Variants in COG5 observed in about 807,000 individuals in gnomAD.
The protein encoded by COG5 is component of oligomeric golgi complex 5.
In COG5, 86 loss-of-function variants were observed where a neutral mutation model predicts 110.4. The ratio of observed to expected loss-of-function variants is 0.78; its 90% CI spans 0.65 to 0.93. The LOEUF is 0.93. Among genes scored for constraint, COG5 ranks in the 40% least tolerant of loss-of-function variants. The pLI, the probability that COG5 is intolerant of heterozygous loss-of-function variation, is 0.00. For missense variants in COG5, 1,077 were observed against 987.0 expected, an observed-to-expected ratio of 1.09 and a Z score of -1.22; for synonymous variants, 360 against 334.6, an observed-to-expected ratio of 1.08 and a Z score of -0.83.
chr7:107,291,559 C>T (rs1806175853), intron 12 of COG5, among the ~76,000 whole-genome samples: 1 of 152,190 alleles, frequency 6.6e-6, no homozygotes, highest in African/African-American at 2.4e-5. Flanking sequence ...TTTGGGTATG[C>T]TAATAGTCAC....
At chr7:107,374,592 G>A (rs149099724) in intron 7 of COG5, among the ~76,000 whole-genome samples, 28 of 151,832 alleles carry the variant, frequency 1.8e-4, no homozygotes, top group African/African-American at 6.0e-4. Flanking sequence ...AAAATTCTCC[G>A]CTCCAAAAAT....
intron 5 of COG5, among the ~76,000 whole-genome samples, chr7:107,545,197 G>A (rs1393571522): frequency 6.6e-6 from 1 of 152,158 alleles, no homozygotes; most frequent in Non-Finnish European, 1.5e-5. Context: ...AGCAGAGAGA[G>A]AAGAAAGTTT....
At chr7:107,328,860 G>A (rs1482041198) in intron 10 of COG5, among the ~76,000 whole-genome samples, 3 of 151,842 alleles carry the variant, frequency 2.0e-5, no homozygotes, top group African/African-American at 4.8e-5. Flanking sequence ...TCGCTCTGTC[G>A]CCCAGGCTGG....
intron 10 of COG5, among the ~76,000 whole-genome samples, chr7:107,327,145 T>C (rs570767853): frequency 2.6e-5 from 4 of 152,178 alleles, no homozygotes; most frequent in African/African-American, 7.2e-5. Context: ...AACGATCAAG[T>C]ATACAGTCAT....
chr7:107,258,297 A>G lies in COG5; in HGVS notation c.1662T>C (p.Tyr554=). The part of the protein sequence containing the change: ...RRNVAVVNSL[Y]KLHQSVTKVV... ...CCTTTGTTACTGATTGGTGCAACTT[A>G]TACAATGAATTCACTACTGCCACAT... Residue 554 remains tyrosine (Y), a synonymous_variant, in exon 15 of 22, where the codon TAT becomes TAC. Coordinates refer to ENST00000297135, the MANE Select transcript of COG5 (RefSeq NM_006348.5). 1 of 1,610,182 alleles carries G rather than the reference A, an allele frequency of 6.2e-7. No homozygotes were observed. Among genetic ancestry groups the G allele is most frequent in the Admixed American group, 1.7e-5 (1 of 59,982 alleles).
At chr7:107,445,256 C>T (rs1794939727) in intron 6 of COG5, among the ~76,000 whole-genome samples, 1 of 152,100 alleles carries the variant, frequency 6.6e-6, no homozygotes, top group Admixed American at 6.6e-5. Context: ...TACAAAAACA[C>T]ACTCTTCCTA....
chr7:107,248,265 T>G (rs991394359), intron 17 of COG5, 131 bp downstream of exon 17: 12 of 703,394 alleles, frequency 1.7e-5, no homozygotes, highest in Middle Eastern at 2.6e-4. Flanking sequence ...TGAAGAGGGC[T>G]GAAAACTAAT....
chr7:107,314,175 T>G (rs888062438), intron 11 of COG5, among the ~76,000 whole-genome samples: 1 of 152,054 alleles, frequency 6.6e-6, no homozygotes, highest in Non-Finnish European at 1.5e-5. Flanking sequence ...TTTATCTGTA[T>G]AAAAGAAAAA....
chr7:107,311,035 T>C (rs1322377039), intron 11 of COG5, among the ~76,000 whole-genome samples: 2 of 152,228 alleles, frequency 1.3e-5, no homozygotes, highest in African/African-American at 4.8e-5. Flanking sequence ...ATTTGGGTTG[T>C]GTGCAATTTT....
chr7:107,206,035 A>G (rs1442521345), intron 21 of COG5, among the ~76,000 whole-genome samples: 1 of 150,742 alleles, frequency 6.6e-6, no homozygotes, highest in Non-Finnish European at 1.5e-5. Flanking sequence ...ATCTTGGCTC[A>G]CTGCAAGCTC....
intron 5 of COG5, among the ~76,000 whole-genome samples, chr7:107,543,336 G>A (rs1802184975): frequency 6.6e-6 from 1 of 152,202 alleles, no homozygotes; most frequent in Non-Finnish European, 1.5e-5. Context: ...TGCTCGTTGA[G>A]GAGAGAAAAG....
intron 12 of COG5, among the ~76,000 whole-genome samples, chr7:107,295,095 A>T (rs1295132578): frequency 1.5e-4 from 11 of 75,840 alleles, no homozygotes; most frequent in African/African-American, 4.3e-4. Flanking sequence ...ATATATATAT[A>T]TATATATTTT....
In COG5 at chr7:107,504,114, TATG is replaced by T. The variant is rs535272909; in HGVS notation, c.538+23120_538+23122del. On this transcript the variant is annotated intron_variant, in intron 6 of 21. Coordinates refer to ENST00000297135, the MANE Select transcript of COG5 (RefSeq NM_006348.5). Reference sequence around the variant, plus strand: ...AGGCTTTCAACTTTTCCCCGTTCAGTATGATGTCGGCTGTGGGTTTGTCATATA... The same window carrying T: ...AGGCTTTCAACTTTTCCCCGTTCAGTATGTCGGCTGTGGGTTTGTCATATA... Among the ~76,000 whole-genome samples the T allele has an allele frequency of 8.5e-5, 13 of 152,302 alleles. No homozygotes were observed. In the South Asian group the frequency reaches 2.7e-3, roughly 32 times the overall value.
rs1371580285 is a variant in COG5 at position 107,558,121 on chromosome 7, T to C, written c.95-6A>G. On this transcript the variant is annotated splice_polypyrimidine_tract_variant and splice_region_variant and intron_variant, in intron 1 of 21. Coordinates refer to ENST00000297135, the MANE Select transcript of COG5 (RefSeq NM_006348.5). Reference sequence around the variant, plus strand: ...TAAAAAGTCACTATAACACCCTGGATTGGGGAAAAAATAAGGAAAAGTCCT... The same window carrying C: ...TAAAAAGTCACTATAACACCCTGGACTGGGGAAAAAATAAGGAAAAGTCCT... 6.2e-7 allele frequency: 1 copy of C among 1,613,444 alleles called. No homozygotes were observed. The highest frequency in any genetic ancestry group is 2.2e-5 in the East Asian group (1 of 44,802).
chr7:107,520,083 T>C (rs144874919), intron 6 of COG5, among the ~76,000 whole-genome samples: 3 of 152,116 alleles, frequency 2.0e-5, no homozygotes, highest in Non-Finnish European at 4.4e-5. Context: ...AGGGCTCTGA[T>C]AAAATTCAAC....
chr7:107,348,145 A>T (rs1334532021), intron 10 of COG5, among the ~76,000 whole-genome samples: 1 of 151,530 alleles, frequency 6.6e-6, no homozygotes, highest in East Asian at 1.9e-4. Flanking sequence ...AAAAAAAAAA[A>T]AAAGAATTTT....
At chr7:107,274,116 G>A (rs1346766163) in intron 14 of COG5, among the ~76,000 whole-genome samples, 1 of 152,126 alleles carries the variant, frequency 6.6e-6, no homozygotes, top group African/African-American at 2.4e-5. Flanking sequence ...CAAGTAGGGA[G>A]CGTCCATCTT....
At chr7:107,434,774 T>A (rs532564004) in intron 6 of COG5, among the ~76,000 whole-genome samples, 2 of 151,890 alleles carry the variant, frequency 1.3e-5, no homozygotes, top group Non-Finnish European at 2.9e-5. Context: ...ATCAAGACCA[T>A]CCTGGCTAAC....
chr7:107,462,792 T>C (rs988607936), intron 6 of COG5, among the ~76,000 whole-genome samples: 2 of 152,100 alleles, frequency 1.3e-5, no homozygotes, highest in African/African-American at 4.8e-5. Context: ...CAGGTAGAAA[T>C]GATGGCAATC....
Sources: gnomAD v4.1 joint callset for allele counts (sites outside exome capture counted in the v4.1 genomes callset) on GRCh38, gnomAD v4.1.1 for gene constraint, MANE v1.5 for transcripts, NCBI Gene and HGNC (gene_info 2026-07-23, HGNC 2026-07-21) for gene names.